CSMD1: variants seen among roughly 807,000 people sequenced by gnomAD.
CSMD1 encodes the protein CUB and Sushi multiple domains 1, also known as CUB and sushi domain-containing protein 1.
A neutral mutation model predicts 417.5 loss-of-function variants in CSMD1; 213 were observed. That is an observed-to-expected ratio of 0.51 (90% CI 0.46 to 0.57). The LOEUF (loss-of-function observed/expected upper bound fraction) is 0.57. Ranked by LOEUF, CSMD1 falls within the 20% of genes least tolerant of loss-of-function variation. The probability of loss-of-function intolerance (pLI) is 0.00; values close to 1 mark genes in which losing one functional copy is unlikely to be tolerated. For missense variants in CSMD1, 6,923 were observed against 4,529.7 expected (o/e 1.53, Z -15.17); for synonymous variants, 2,862 against 1,736.8 (o/e 1.65, Z -16.11).
intron 12 of CSMD1, among the ~76,000 whole-genome samples, chr8:3,459,097 G>A (rs934150735): frequency 6.6e-6 from 1 of 152,220 alleles, no homozygotes; most frequent in Non-Finnish European, 1.5e-5. Context: ...GATGGGCACA[G>A]GATGGCAAGC....
chr8:4,318,159 T>C (rs1722513893), intron 3 of CSMD1, among the ~76,000 whole-genome samples: 1 of 152,158 alleles, frequency 6.6e-6, no homozygotes, highest in African/African-American at 2.4e-5. Flanking sequence ...AATATGAACA[T>C]TCTAATATTG....
At chr8:3,846,564 A>C (rs759064659) in intron 5 of CSMD1, among the ~76,000 whole-genome samples, 1 of 152,212 alleles carries the variant, frequency 6.6e-6, no homozygotes, top group Non-Finnish European at 1.5e-5. Flanking sequence ...GAAATGTTTG[A>C]CTTTAGATTA....
At chr8:3,307,665 A>AAATC (rs1437650710) in intron 25 of CSMD1, 30 bp downstream of exon 25, 3 of 1,607,604 alleles carry the variant, frequency 1.9e-6, no homozygotes, top group Admixed American at 1.7e-5. Flanking sequence ...CTCTTTTCTC[A>AAATC]AATCACTGAA....
At chr8:4,183,617 T>G (rs1584976774) in intron 3 of CSMD1, among the ~76,000 whole-genome samples, 1 of 152,368 alleles carries the variant, frequency 6.6e-6, no homozygotes, top group Non-Finnish European at 1.5e-5. Context: ...TTTAAAATGA[T>G]TCTGTCAAAT....
intron 6 of CSMD1, among the ~76,000 whole-genome samples, chr8:3,742,707 T>G (rs748187174): frequency 6.6e-6 from 1 of 151,464 alleles, no homozygotes; most frequent in Non-Finnish European, 1.5e-5. Flanking sequence ...CCTGAGAAGC[T>G]TGCATAGGAT....
rs112299115 is a variant in CSMD1 at position 3,939,970 on chromosome 8, C to T, written c.818+57933G>A. 4.0e-3 allele frequency among the ~76,000 whole-genome samples: 606 copies of T among 151,962 alleles called. 8 individuals carry two copies. The highest frequency in any genetic ancestry group is 0.014 in the African/African-American group (581 of 41,450). ...CAGAAATCACCACTAAAGAACTTAC[C>T]CATGTAACCAAAAACCACCTGTACC... On this transcript the variant is annotated intron_variant, in intron 5 of 69. Transcript: ENST00000635120.
rs535311999 is a variant in CSMD1, at chr8:4,400,204, T to A, written c.415+19749A>T. 6.6e-5 allele frequency among the ~76,000 whole-genome samples: 10 copies of A among 152,308 alleles called. No individual in the cohort carries two copies. The East Asian group carries it at 1.7e-3, about 26-fold the overall frequency. ...AATACAAGCCATAGAGAAAGCAGCT[T>A]GAAGCAAGCTTGGAAGTTGCAAACT... is the stretch of plus-strand genomic sequence containing the variant. On this transcript the variant is annotated intron_variant, in intron 3 of 69. Coordinates refer to ENST00000635120, the MANE Select transcript of CSMD1 (RefSeq NM_033225.6).
At chr8:3,945,416 G>T (rs183913319) in intron 5 of CSMD1, among the ~76,000 whole-genome samples, 4 of 151,896 alleles carry the variant, frequency 2.6e-5, no homozygotes, top group African/African-American at 7.2e-5. Context: ...TTTTGGGGGG[G>T]CATATTACAA....
At chr8:3,915,826 T>A (rs1049025896) in intron 5 of CSMD1, among the ~76,000 whole-genome samples, 3 of 145,266 alleles carry the variant, frequency 2.1e-5, no homozygotes, top group African/African-American at 7.7e-5. Flanking sequence ...CATTTTGGGG[T>A]TTAACATTTT....
chr8:4,791,455 C>A (rs1265934147), intron 1 of CSMD1, among the ~76,000 whole-genome samples: 1 of 152,162 alleles, frequency 6.6e-6, no homozygotes, highest in African/African-American at 2.4e-5. Context: ...GGTTTGTGAT[C>A]TTGAAAAGTG....
intron 25 of CSMD1, 45 bp from the exon 26 acceptor site, chr8:3,284,391 T>C (rs1300734156): frequency 6.9e-7 from 1 of 1,446,006 alleles, no homozygotes; most frequent in Admixed American, 1.7e-5. Context: ...GCATCGAGCA[T>C]GTCCTGACCC....
Position 3,387,491 on chromosome 8 carries a change from T to A in CSMD1, c.2782+3A>T. The A allele has an allele frequency of 1.3e-6, 2 of 1,594,304 alleles. No individual in the cohort carries two copies. The highest frequency in any genetic ancestry group is 1.1e-5 in the South Asian group (1 of 87,612). On this transcript the variant is annotated splice_donor_region_variant and intron_variant, in intron 18 of 69. Coordinates refer to ENST00000635120, the MANE Select transcript of CSMD1 (RefSeq NM_033225.6). ...GTGCATTGCCTCACTGAGCTGTACC[T>A]ACCGTCGCAGCTGGGCAAGGCGTGG...
At chr8:4,416,130 C>G (rs533206884) in intron 3 of CSMD1, among the ~76,000 whole-genome samples, 12 of 152,250 alleles carry the variant, frequency 7.9e-5, no homozygotes, top group Non-Finnish European at 1.5e-4. Context: ...TTGCCTTACA[C>G]TATGGAGAAA....
Position 3,191,748 on chromosome 8 carries a change from C to T in CSMD1, c.5195-1633G>A, listed in dbSNP as rs563087623. Among the ~76,000 whole-genome samples the T allele has an allele frequency of 1.5e-4, 23 of 152,250 alleles. 1 individual carries two copies. The South Asian group carries it at 3.7e-3, about 25-fold the overall frequency. On this transcript the variant is annotated intron_variant, in intron 33 of 69. Transcript: ENST00000635120. ...AAAGATTAAAAAATACTTCAATTGG[C>T]AAAGAGGTCCATCACACTAGGCAAA...
At chr8:3,444,718 G>A (rs1487954316) in intron 12 of CSMD1, among the ~76,000 whole-genome samples, 4 of 152,106 alleles carry the variant, frequency 2.6e-5, no homozygotes, top group Admixed American at 2.0e-4. Flanking sequence ...TATTCTGAAT[G>A]TAATATATAA....
chr8:4,314,009 G>A (rs909217626), intron 3 of CSMD1, among the ~76,000 whole-genome samples: 16 of 150,468 alleles, frequency 1.1e-4, no homozygotes, highest in Admixed American at 2.0e-4. Flanking sequence ...GTGAGAATCC[G>A]TCTCAAAATA....
intron 3 of CSMD1, among the ~76,000 whole-genome samples, chr8:4,311,002 G>A (rs1308096773): frequency 6.6e-6 from 1 of 152,172 alleles, no homozygotes; most frequent in Non-Finnish European, 1.5e-5. Context: ...AAAGATAATA[G>A]AAAGTGGCAA....
chr8:4,400,816 G>C (rs1195230795), intron 3 of CSMD1, among the ~76,000 whole-genome samples: 7 of 150,222 alleles, frequency 4.7e-5, no homozygotes. Context: ...GCTTTTAAAG[G>C]ATTATTAGGG....
chr8:4,032,111 A>G lies in CSMD1; in HGVS notation c.416-12T>C, dbSNP rs780944623. On this transcript the variant is annotated splice_polypyrimidine_tract_variant and intron_variant, in intron 3 of 69. Coordinates refer to ENST00000635120, the MANE Select transcript of CSMD1 (RefSeq NM_033225.6). ...GTGGCTAGGTAAAACTATTGGAAAA[A>G]GAAAAGAAAGGAGAAAAAACAAGTT... 7 of 1,582,378 alleles carry G rather than the reference A, an allele frequency of 4.4e-6. No individual in the cohort carries two copies. The Admixed American group carries it at 5.2e-5, about 12-fold the overall frequency.
Sources: allele counts gnomAD v4.1 joint callset (sites outside exome capture counted in the v4.1 genomes callset), GRCh38; gene constraint gnomAD v4.1.1; transcripts MANE v1.5; gene names NCBI Gene and HGNC (gene_info 2026-07-23, HGNC 2026-07-21).